GDPD1: variants seen among roughly 807,000 people sequenced by gnomAD.
GDPD1 encodes the protein lysophospholipase D GDPD1.
GDPD1 carries 28 observed loss-of-function variants against 45.1 expected under a neutral mutation model. That is an observed-to-expected ratio of 0.62 (90% CI 0.46 to 0.85). The LOEUF is 0.85. Ranked by LOEUF, GDPD1 falls within the 40% of genes least tolerant of loss-of-function variation. The probability of loss-of-function intolerance (pLI) is 0.00; values close to 1 mark genes in which losing one functional copy is unlikely to be tolerated. For missense variants in GDPD1, 256 were observed against 364.8 expected, an observed-to-expected ratio of 0.70 and a Z score of 2.43; for synonymous variants, 139 against 131.4, an observed-to-expected ratio of 1.06 and a Z score of -0.40.
At chr17:59,254,939 T>C (rs1020241347) in intron 4 of GDPD1, among the ~76,000 whole-genome samples, 1 of 152,194 alleles carries the variant, frequency 6.6e-6, no homozygotes, top group Admixed American at 6.6e-5. Context: ...ACTGGTCATA[T>C]ATTTAGTCTG....
At chr17:59,235,350 A>G (rs1163869439) in intron 2 of GDPD1, among the ~76,000 whole-genome samples, 1 of 152,158 alleles carries the variant, frequency 6.6e-6, no homozygotes, top group Non-Finnish European at 1.5e-5. Context: ...CTCACCATTC[A>G]AAGACACCTT....
chr17:59,256,026 C>T lies in GDPD1; in HGVS notation c.368-1096C>T, dbSNP rs141997502. ...TGAGCAAGATCCTGTCTCAAAAAAA[C>T]AACAAAAAAGGGACCGGGTACATGG... On this transcript the variant is annotated intron_variant, in intron 4 of 9. Coordinates refer to ENST00000284116, the MANE Select transcript of GDPD1 (RefSeq NM_182569.4). 4.8e-3 allele frequency among the ~76,000 whole-genome samples: 720 copies of T among 149,504 alleles called. 9 individuals are homozygous for T. The highest frequency in any genetic ancestry group is 0.017 in the African/African-American group (677 of 40,484).
At chr17:59,223,475 G>C (rs2047021805) in intron 1 of GDPD1, among the ~76,000 whole-genome samples, 1 of 152,160 alleles carries the variant, frequency 6.6e-6, no homozygotes, top group Admixed American at 6.6e-5. Context: ...GAAAATAAGA[G>C]ACAATGTAAC....
rs149536097 is a variant in GDPD1 at position 59,222,505 on chromosome 17, C to CTTTTTTTTTTTTTT, written c.142+1767_142+1780dup. ...ACAGGCGTGAGCCACAGTGCCCAGC[C>CTTTTTTTTTTTTTT]TTTTTTTTTTTTTTTTTTTTTTTTT... On this transcript the variant is annotated intron_variant, in intron 1 of 9. Coordinates refer to ENST00000284116, the MANE Select transcript of GDPD1 (RefSeq NM_182569.4). 3.7e-3 allele frequency among the ~76,000 whole-genome samples: 155 copies of CTTTTTTTTTTTTTT among 41,740 alleles called. 32 individuals are homozygous for CTTTTTTTTTTTTTT. The highest frequency in any genetic ancestry group is 4.4e-3 in the Non-Finnish European group (96 of 21,764). 27.4% of individuals were successfully genotyped at this position (41,740 alleles called of 152,430 possible).
chr17:59,260,060 CAAAAAAAAAAAAAAAAAAAAAAAA>C lies in GDPD1; in HGVS notation c.576+2237_576+2260del, dbSNP rs56936442. On this transcript the variant is annotated intron_variant, in intron 6 of 9. Transcript: ENST00000284116. ...TGGGTGACGGAGCCAGACCCTGTCT[CAAAAAAAAAAAAAAAAAAAAAAAA>C]AAAAAAAAAAAAAAAATCCTATTAT... Among the ~76,000 whole-genome samples, 19 of 25,828 alleles carry C rather than the reference CAAAAAAAAAAAAAAAAAAAAAAAA, an allele frequency of 7.4e-4. 1 individual carries two copies. The highest frequency in any genetic ancestry group is 2.4e-3 in the Admixed American group (3 of 1,266). 16.9% of individuals were successfully genotyped at this position (25,828 alleles called of 152,430 possible). A position where few individuals can be genotyped will look rare whatever the true frequency, so the allele number is the denominator to read the frequency against.
intron 6 of GDPD1, among the ~76,000 whole-genome samples, chr17:59,259,682 G>A (rs1347865802): frequency 6.7e-6 from 1 of 149,294 alleles, no homozygotes. Context: ...CTGGAAAGCA[G>A]AGGTTGCAGT....
intron 2 of GDPD1, among the ~76,000 whole-genome samples, chr17:59,244,652 A>AT (rs1346744804): frequency 6.6e-6 from 1 of 152,034 alleles, no homozygotes; most frequent in Non-Finnish European, 1.5e-5. Flanking sequence ...GCTTTTGTTA[A>AT]TTTTTTTCTT....
intron 1 of GDPD1, among the ~76,000 whole-genome samples, chr17:59,232,583 G>A (rs1275356064): frequency 6.6e-6 from 1 of 152,132 alleles, no homozygotes; most frequent in East Asian, 1.9e-4. Context: ...GAATCAAGGT[G>A]ATCATGATAA....
chr17:59,257,822 A>G lies in GDPD1; in HGVS notation c.558A>G (p.Val186=). ...TVWGNANYEI[V]EKCYKENSDI... is the part of the protein sequence containing the mutation. ...GGGGTAATGCCAATTATGAAATTGT[A>G]GAAAAGTGCTACAAAGAGGTAAGCT... Residue 186 remains valine (V), a synonymous_variant, in exon 6 of 10, where the codon GTA becomes GTG. Coordinates refer to ENST00000284116, the MANE Select transcript of GDPD1 (RefSeq NM_182569.4). The G allele has an allele frequency of 6.2e-7, 1 of 1,600,302 alleles. No individual in the cohort carries two copies. The highest frequency in any genetic ancestry group is 8.5e-7 in the Non-Finnish European group (1 of 1,171,738).
At chr17:59,260,060 C>CAAA (rs56936442) in intron 6 of GDPD1, among the ~76,000 whole-genome samples, 363 of 25,840 alleles carry the variant, frequency 0.014, 128 homozygotes, top group Non-Finnish European at 0.02. Context: ...GACCCTGTCT[C>CAAA]AAAAAAAAAA....
intron 1 of GDPD1, among the ~76,000 whole-genome samples, chr17:59,224,808 G>A (rs971011935): frequency 9.9e-5 from 15 of 152,032 alleles, no homozygotes; most frequent in African/African-American, 3.6e-4. Flanking sequence ...CAGCTTGGGC[G>A]ACATAGCAAG....
rs757777479 is a variant in GDPD1, at chr17:59,220,582, G to T, written c.-28G>T. The T allele has an allele frequency of 6.2e-7, 1 of 1,609,000 alleles. No individual in the cohort carries two copies. The highest frequency in any genetic ancestry group is 8.5e-7 in the Non-Finnish European group (1 of 1,177,160). On this transcript the variant is annotated 5_prime_UTR_variant, in exon 1 of 10. Transcript: ENST00000284116. ...GCAGCGGAGTTCAGAGGGCCCGGAG[G>T]TGGGAGACTTCCCACACGGTGACTG... is the stretch of plus-strand genomic sequence containing the variant.
Position 59,274,846 on chromosome 17 carries a change from T to A in GDPD1, c.*1073T>A, listed in dbSNP as rs1391623632. Reference sequence around the variant, plus strand: ...GAATACAATCAATTAGTAAAAGATTTTTTTTTTTTTTTTGACATGTAGTCT... The same window carrying A: ...GAATACAATCAATTAGTAAAAGATTATTTTTTTTTTTTTGACATGTAGTCT... On this transcript the variant is annotated 3_prime_UTR_variant, in exon 10 of 10. Coordinates refer to ENST00000284116, the MANE Select transcript of GDPD1 (RefSeq NM_182569.4). Among the ~76,000 whole-genome samples the A allele has an allele frequency of 6.0e-5, 9 of 150,690 alleles. No individual in the cohort carries two copies. Among genetic ancestry groups the A allele is most frequent in the African/African-American group, 2.2e-4 (9 of 41,216 alleles).
At position 59,268,144 on chromosome 17, in the gene GDPD1, AT is replaced by A. The variant is rs370759785; in HGVS notation, c.710+972del. Among the ~76,000 whole-genome samples the A allele has an allele frequency of 2.4e-4, 36 of 152,326 alleles. No individual in the cohort carries two copies. The East Asian group carries it at 6.7e-3, about 29-fold the overall frequency. On this transcript the variant is annotated intron_variant, in intron 7 of 9. Coordinates refer to ENST00000284116, the MANE Select transcript of GDPD1 (RefSeq NM_182569.4). ...GATAGCTTTTATTGTTATCTTTGTT[AT>A]TATAAAGAATGATAGCTTCATCTCA...
chr17:59,261,308 C>T (rs1279151991), intron 6 of GDPD1, among the ~76,000 whole-genome samples: 1 of 151,778 alleles, frequency 6.6e-6, no homozygotes, highest in African/African-American at 2.4e-5. Context: ...TGAGAGATCC[C>T]AAGGTAGCTG....
chr17:59,221,171 C>T (rs561334121), intron 1 of GDPD1, among the ~76,000 whole-genome samples: 113 of 152,092 alleles, frequency 7.4e-4, no homozygotes, highest in African/African-American at 2.6e-3. Context: ...GAGCTAGTGG[C>T]TGAGTGGATG....
intron 4 of GDPD1, among the ~76,000 whole-genome samples, chr17:59,255,824 T>TAG (rs2047299894): frequency 1.5e-5 from 1 of 68,610 alleles, no homozygotes. Flanking sequence ...CGTATATATA[T>TAG]ATACGCGTAT....
At chr17:59,261,244 G>A (rs1382454671) in intron 6 of GDPD1, among the ~76,000 whole-genome samples, 1 of 152,140 alleles carries the variant, frequency 6.6e-6, no homozygotes, top group Non-Finnish European at 1.5e-5. Context: ...GGTATTACAA[G>A]TGTAAGCCAC....
intron 7 of GDPD1, among the ~76,000 whole-genome samples, chr17:59,268,526 C>T (rs1030901486): frequency 2.4e-5 from 3 of 125,690 alleles, no homozygotes; most frequent in African/African-American, 9.4e-5. Context: ...TTGCAGTGAG[C>T]GGAGATTGCG....
Sources: allele counts gnomAD v4.1 joint callset (sites outside exome capture counted in the v4.1 genomes callset), GRCh38; gene constraint gnomAD v4.1.1; transcripts MANE v1.5; gene names NCBI Gene and HGNC (gene_info 2026-07-23, HGNC 2026-07-21).